SULF1: variants seen among roughly 807,000 people sequenced by gnomAD.
SULF1 encodes sulfatase 1.
In SULF1, 46 loss-of-function variants were observed where a neutral mutation model predicts 110.5. The ratio of observed to expected loss-of-function variants is 0.42; its 90% CI spans 0.33 to 0.53. SULF1 has a LOEUF of 0.53. Among genes scored for constraint, SULF1 ranks in the 20% least tolerant of loss-of-function variants. SULF1 has a pLI of 0.12. For missense variants in SULF1, 941 were observed against 1,094.2 expected (o/e 0.86, Z 1.98); for synonymous variants, 371 against 387.1 (o/e 0.96, Z 0.49).
intron 3 of SULF1, among the ~76,000 whole-genome samples, chr8:69,550,743 G>T (rs1425857000): frequency 6.6e-6 from 1 of 152,176 alleles, no homozygotes; most frequent in Non-Finnish European, 1.5e-5. Flanking sequence ...CTGGGTATCA[G>T]ACCACGTGTC....
At chr8:69,640,911 A>G (rs1413705874) in intron 22 of SULF1, 70 bp downstream of exon 22, 10 of 1,490,628 alleles carry the variant, frequency 6.7e-6, no homozygotes, top group Non-Finnish European at 6.4e-6. Context: ...GGTTTCAACT[A>G]ATTTCTGTTT....
intron 19 of SULF1, among the ~76,000 whole-genome samples, chr8:69,630,178 A>G (rs1188166918): frequency 1.3e-5 from 2 of 152,240 alleles, no homozygotes; most frequent in Non-Finnish European, 2.9e-5. Context: ...AATAATAGAT[A>G]CTCTACAAAA....
intron 13 of SULF1, among the ~76,000 whole-genome samples, chr8:69,617,756 A>G (rs1809293351): frequency 6.6e-6 from 1 of 152,064 alleles, no homozygotes; most frequent in Admixed American, 6.6e-5. Flanking sequence ...CTTATCAACT[A>G]ACTGTGGAGA....
intron 8 of SULF1, 108 bp from the exon 9 acceptor site, chr8:69,600,495 G>C: frequency 9.3e-7 from 1 of 1,071,680 alleles, no homozygotes; most frequent in South Asian, 2.0e-5. Context: ...AAATGTTTTA[G>C]CAGTGTCTCA....
At chr8:69,606,366 T>C (rs944482992) in intron 13 of SULF1, among the ~76,000 whole-genome samples, 6 of 152,214 alleles carry the variant, frequency 3.9e-5, no homozygotes, top group African/African-American at 7.2e-5. Flanking sequence ...TTCAAATCTT[T>C]CTTATGAAAC....
chr8:69,589,310 G>C (rs1806703778), intron 8 of SULF1, among the ~76,000 whole-genome samples, 169 bp downstream of exon 8: 1 of 152,208 alleles, frequency 6.6e-6, no homozygotes, highest in Non-Finnish European at 1.5e-5. Flanking sequence ...CGCTGAGCCT[G>C]AAAGAAAGCG....
chr8:69,630,284 A>C (rs1294125256), intron 19 of SULF1, among the ~76,000 whole-genome samples: 1 of 152,234 alleles, frequency 6.6e-6, no homozygotes, highest in African/African-American at 2.4e-5. Flanking sequence ...GCCTGTGCAC[A>C]TTATTCACTG....
At chr8:69,533,105 G>A (rs1448089795) in intron 3 of SULF1, among the ~76,000 whole-genome samples, 1 of 152,158 alleles carries the variant, frequency 6.6e-6, no homozygotes, top group Non-Finnish European at 1.5e-5. Context: ...TGCAAAAGCT[G>A]TTTAAAATCC....
At chr8:69,595,849 G>T (rs550814809) in intron 8 of SULF1, among the ~76,000 whole-genome samples, 62 of 152,210 alleles carry the variant, frequency 4.1e-4, no homozygotes, top group African/African-American at 1.4e-3. Context: ...CAATTCCCCA[G>T]GTATAGATTT....
At chr8:69,505,710 T>C (rs906509095) in intron 3 of SULF1, among the ~76,000 whole-genome samples, 1 of 152,108 alleles carries the variant, frequency 6.6e-6, no homozygotes, top group South Asian at 2.1e-4. Context: ...ACAATGATAA[T>C]TTGTCTTGCT....
chr8:69,601,415 G>A (rs911102618), intron 9 of SULF1, among the ~76,000 whole-genome samples: 1 of 152,140 alleles, frequency 6.6e-6, no homozygotes, highest in African/African-American at 2.4e-5. Context: ...TACCAAACAA[G>A]CAAACAAAAA....
chr8:69,494,359 G>A (rs113479561), intron 1 of SULF1, among the ~76,000 whole-genome samples: 1 of 151,996 alleles, frequency 6.6e-6, no homozygotes, highest in African/African-American at 2.4e-5. Flanking sequence ...AATGGATCAA[G>A]TGGAGAAATT....
At chr8:69,537,534 G>A (rs1245659042) in intron 3 of SULF1, among the ~76,000 whole-genome samples, 4 of 152,090 alleles carry the variant, frequency 2.6e-5, no homozygotes. Context: ...TCTACCCTCA[G>A]CATGAGTGTG....
At chr8:69,568,748 T>C (rs1380011150) in intron 5 of SULF1, among the ~76,000 whole-genome samples, 1 of 152,184 alleles carries the variant, frequency 6.6e-6, no homozygotes, top group African/African-American at 2.4e-5. Context: ...AGATTTACAA[T>C]TTTTTAAGCT....
intron 3 of SULF1, among the ~76,000 whole-genome samples, chr8:69,526,611 A>AGAAAG (rs1554570777): frequency 4.3e-4 from 59 of 135,988 alleles, no homozygotes; most frequent in African/African-American, 1.5e-3. Flanking sequence ...AAAAAAAAAA[A>AGAAAG]AAAGAAAGAA....
At chr8:69,494,529 A>G (rs1731883391) in intron 1 of SULF1, among the ~76,000 whole-genome samples, 1 of 152,250 alleles carries the variant, frequency 6.6e-6, no homozygotes, top group South Asian at 2.1e-4. Flanking sequence ...AATTAAAGTC[A>G]AAAATAAGAT....
intron 22 of SULF1, among the ~76,000 whole-genome samples, chr8:69,656,235 T>C (rs1812719871): frequency 6.6e-6 from 1 of 152,184 alleles, no homozygotes; most frequent in African/African-American, 2.4e-5. Context: ...CACTTTATAG[T>C]TTATTTCGCC....
chr8:69,505,700 A>G (rs1422895595), intron 3 of SULF1, among the ~76,000 whole-genome samples: 1 of 152,178 alleles, frequency 6.6e-6, no homozygotes, highest in East Asian at 1.9e-4. Flanking sequence ...GGATACCAAG[A>G]CAATGATAAT....
At chr8:69,482,773 A>G (rs140178701) in intron 1 of SULF1, among the ~76,000 whole-genome samples, 1 of 152,292 alleles carries the variant, frequency 6.6e-6, no homozygotes, top group Non-Finnish European at 1.5e-5. Flanking sequence ...AAAATTAAGT[A>G]ATTTGTATAA....
Sources: gnomAD v4.1 joint callset for allele counts (sites outside exome capture counted in the v4.1 genomes callset) on GRCh38, gnomAD v4.1.1 for gene constraint, MANE v1.5 for transcripts, NCBI Gene and HGNC (gene_info 2026-07-23, HGNC 2026-07-21) for gene names.